SMYD3: variants seen among roughly 807,000 people sequenced by gnomAD.
SMYD3 encodes the protein histone-lysine N-methyltransferase SMYD3.
Under a neutral mutation model 57.7 loss-of-function variants are expected in SMYD3, and 36 were observed. That is an observed-to-expected ratio of 0.62 (90% CI 0.48 to 0.82). The LOEUF (loss-of-function observed/expected upper bound fraction) is 0.82. Ranked by LOEUF, SMYD3 falls within the 40% of genes least tolerant of loss-of-function variation. The pLI, the probability that SMYD3 is intolerant of heterozygous loss-of-function variation, is 0.00. For synonymous variants in SMYD3, 211 were observed against 195.0 expected (o/e 1.08, Z -0.68); for missense variants, 515 against 538.8 (o/e 0.96, Z 0.44).
chr1:246,365,656 C>G (rs1482959759), intron 1 of SMYD3, among the ~76,000 whole-genome samples: 2 of 152,030 alleles, frequency 1.3e-5, no homozygotes, highest in Non-Finnish European at 2.9e-5. Context: ...AACCTAATCA[C>G]CACTCCCCAC....
intron 5 of SMYD3, among the ~76,000 whole-genome samples, chr1:246,244,735 C>G (rs1437607261): frequency 6.6e-6 from 1 of 152,168 alleles, no homozygotes; most frequent in African/African-American, 2.4e-5. Flanking sequence ...ACTCCTAACA[C>G]TGTTTTCATT....
intron 5 of SMYD3, among the ~76,000 whole-genome samples, chr1:246,082,174 TA>T: frequency 6.6e-6 from 1 of 152,132 alleles, no homozygotes; most frequent in East Asian, 1.9e-4. Flanking sequence ...GCCGCTTTTG[TA>T]AAACTAATGA....
chr1:245,780,296 TAAAC>T (rs2046777770), intron 10 of SMYD3, among the ~76,000 whole-genome samples: 1 of 152,172 alleles, frequency 6.6e-6, no homozygotes, highest in Non-Finnish European at 1.5e-5. Context: ...ATTTTATAAA[TAAAC>T]AAAGTTGATA....
chr1:245,919,013 G>C (rs555582633), intron 7 of SMYD3, among the ~76,000 whole-genome samples: 1 of 152,172 alleles, frequency 6.6e-6, no homozygotes, highest in Non-Finnish European at 1.5e-5. Flanking sequence ...TGGCCAACAG[G>C]AGACTAGTTA....
chr1:246,074,646 G>A (rs955688982), intron 5 of SMYD3, among the ~76,000 whole-genome samples: 1 of 152,176 alleles, frequency 6.6e-6, no homozygotes, highest in Non-Finnish European at 1.5e-5. Context: ...GGCTGTGCCA[G>A]CTGGGGCAAC....
At chr1:246,165,226 A>C (rs1172541113) in intron 5 of SMYD3, among the ~76,000 whole-genome samples, 1 of 152,206 alleles carries the variant, frequency 6.6e-6, no homozygotes, top group African/African-American at 2.4e-5. Flanking sequence ...ACTACAGCGG[A>C]GGTGACAAGA....
intron 1 of SMYD3, among the ~76,000 whole-genome samples, chr1:246,449,707 A>G (rs764784792): frequency 1.3e-5 from 2 of 151,286 alleles, no homozygotes; most frequent in Non-Finnish European, 2.9e-5. Flanking sequence ...GGGCTGCCCT[A>G]AGAAGAGAAA....
chr1:246,098,949 T>C (rs992669712), intron 5 of SMYD3, among the ~76,000 whole-genome samples: 5 of 152,220 alleles, frequency 3.3e-5, no homozygotes, highest in African/African-American at 4.8e-5. Context: ...TCTCTGGGAA[T>C]AGTAGAATTT....
intron 1 of SMYD3, among the ~76,000 whole-genome samples, chr1:246,403,888 T>C (rs1333621712): frequency 1.3e-5 from 2 of 152,160 alleles, no homozygotes; most frequent in South Asian, 2.1e-4. Context: ...GTGACAAGCA[T>C]AGAAAACATA....
chr1:246,155,210 A>C (rs1043365441), intron 5 of SMYD3, among the ~76,000 whole-genome samples: 3 of 152,230 alleles, frequency 2.0e-5, no homozygotes, highest in African/African-American at 7.2e-5. Context: ...TTAATAATGA[A>C]TAATAGTAAT....
At chr1:245,751,495 A>C (rs1443802841) in intron 11 of SMYD3, among the ~76,000 whole-genome samples, 1 of 151,658 alleles carries the variant, frequency 6.6e-6, no homozygotes, top group African/African-American at 2.4e-5. Context: ...AAACAGGCAG[A>C]CAGAGGGGGT....
intron 10 of SMYD3, among the ~76,000 whole-genome samples, chr1:245,775,644 C>T (rs1207802947): frequency 6.6e-6 from 1 of 150,926 alleles, no homozygotes; most frequent in Non-Finnish European, 1.5e-5. Context: ...GCCGACCTTC[C>T]CTCCACTATT....
At chr1:246,173,708 G>C (rs912137221) in intron 5 of SMYD3, among the ~76,000 whole-genome samples, 1 of 152,142 alleles carries the variant, frequency 6.6e-6, no homozygotes, top group Non-Finnish European at 1.5e-5. Context: ...AAAGTATTCA[G>C]GGTCAATAAA....
intron 5 of SMYD3, among the ~76,000 whole-genome samples, chr1:245,958,822 AC>A (rs2057922855): frequency 6.6e-6 from 1 of 152,206 alleles, no homozygotes; most frequent in Admixed American, 6.5e-5. Context: ...TGGGATCACC[AC>A]CCTGGGGGAG....
rs140972777 is a variant in SMYD3 at position 246,262,590 on chromosome 1, G to A, written c.531+64611C>T. Among the ~76,000 whole-genome samples the A allele has an allele frequency of 2.9e-3, 440 of 152,042 alleles. 3 individuals carry two copies. The highest frequency in any genetic ancestry group is 0.014 in the Middle Eastern group (4 of 292). ...TTTCAGTTAACATATATTTCTTATG[G>A]ACTTTCTGCTTGTTCCAGGCACTAT... On this transcript the variant is annotated intron_variant, in intron 5 of 11. Coordinates refer to ENST00000490107, the MANE Select transcript of SMYD3 (RefSeq NM_001167740.2).
chr1:245,801,186 A>T (rs1310322366), intron 10 of SMYD3, among the ~76,000 whole-genome samples: 2 of 152,264 alleles, frequency 1.3e-5, no homozygotes, highest in Non-Finnish European at 2.9e-5. Flanking sequence ...GTATTATACT[A>T]GAGCCAATTA....
chr1:245,757,743 G>A (rs761417794), intron 11 of SMYD3, among the ~76,000 whole-genome samples: 21 of 152,096 alleles, frequency 1.4e-4, no homozygotes, highest in Non-Finnish European at 2.5e-4. Flanking sequence ...ATATATGCGA[G>A]GGTTTATTTC....
At chr1:246,244,019 A>G (rs1558344368) in intron 5 of SMYD3, among the ~76,000 whole-genome samples, 1 of 117,846 alleles carries the variant, frequency 8.5e-6, no homozygotes, top group Non-Finnish European at 1.8e-5. Flanking sequence ...ATGTACATAT[A>G]TGTGTATATA....
At chr1:245,894,418 A>T (rs1160866106) in intron 8 of SMYD3, among the ~76,000 whole-genome samples, 4 of 152,104 alleles carry the variant, frequency 2.6e-5, no homozygotes, top group Admixed American at 2.0e-4. Flanking sequence ...AAACCCGCTC[A>T]GGTCCCCTTC....
Sources: allele counts gnomAD v4.1 joint callset (sites outside exome capture counted in the v4.1 genomes callset), GRCh38; gene constraint gnomAD v4.1.1; transcripts MANE v1.5; gene names NCBI Gene and HGNC (gene_info 2026-07-23, HGNC 2026-07-21).